NGEF: variants seen among roughly 807,000 people sequenced by gnomAD.
NGEF encodes the protein neuronal guanine nucleotide exchange factor, also known as ephexin-1.
NGEF carries 31 observed loss-of-function variants against 80.9 expected under a neutral mutation model. The ratio of observed to expected loss-of-function variants is 0.38; its 90% confidence interval spans 0.29 to 0.52. The LOEUF (loss-of-function observed/expected upper bound fraction) is 0.52. Among genes scored for constraint, NGEF ranks in the 20% least tolerant of loss-of-function variants. The pLI is 0.84. For synonymous variants in NGEF, 371 were observed against 370.2 expected, an observed-to-expected ratio of 1.00 and a Z score of -0.03; for missense variants, 709 against 926.2, an observed-to-expected ratio of 0.77 and a Z score of 3.04.
chr2:232,885,415 C>T, intron 9 of NGEF, 46 bp from the exon 10 acceptor site: 1 of 1,526,046 alleles, frequency 6.6e-7, no homozygotes, highest in Non-Finnish European at 9.1e-7. Context: ...GCCGGCTGTC[C>T]CGGCCCCTTC....
intron 1 of NGEF, among the ~76,000 whole-genome samples, chr2:232,995,550 C>CTATA (rs373562012): frequency 3.5e-4 from 3 of 8,492 alleles, no homozygotes; most frequent in African/African-American, 2.5e-3. Context: ...AGTATGTATA[C>CTATA]TATATACAGT....
At chr2:232,900,853 G>A (rs564486883) in intron 5 of NGEF, among the ~76,000 whole-genome samples, 9 of 152,314 alleles carry the variant, frequency 5.9e-5, no homozygotes, top group African/African-American at 1.9e-4. Context: ...CACGCTGCCC[G>A]TGGGGCCAGG....
intron 1 of NGEF, among the ~76,000 whole-genome samples, chr2:232,981,598 C>T (rs1255078665): frequency 1.3e-5 from 2 of 152,134 alleles, no homozygotes; most frequent in Admixed American, 6.5e-5. Flanking sequence ...TGCCACCCCA[C>T]CCAGGAACAG....
At chr2:232,927,988 C>T in intron 3 of NGEF, 1 of 1,274,498 alleles carries the variant, frequency 7.8e-7, no homozygotes. Context: ...AGGCAGCGGC[C>T]AGCAGCTCCA....
chr2:232,974,185 AG>A (rs1694246097), intron 2 of NGEF, among the ~76,000 whole-genome samples: 1 of 152,172 alleles, frequency 6.6e-6, no homozygotes, highest in African/African-American at 2.4e-5. Context: ...TCTATTCCCA[AG>A]GTTTTAATCT....
chr2:232,977,996 G>A (rs911500432), intron 1 of NGEF, among the ~76,000 whole-genome samples: 1 of 152,076 alleles, frequency 6.6e-6, no homozygotes, highest in African/African-American at 2.4e-5. Context: ...GCCAGGTTGG[G>A]GTCAGAGCAC....
chr2:232,884,012 C>T lies in NGEF; in HGVS notation c.1570G>A (p.Asp524Asn). ...ATCTGCCGGCAGATCACCAGCAGGT[C>T]GTTGAACAGGAAGAGGTAAATTTCG... ...FHEIYLFLFNDLLVICRQIPG... is the reference protein window; with the variant it reads ...FHEIYLFLFNNLLVICRQIPG... Residue 524 changes from aspartate (D) to asparagine (N), a missense_variant, in exon 11 of 15, where the codon GAC becomes AAC. Around this residue, in one of 2 missense-constraint regions of NGEF, gnomAD observed 426 missense variants for 622.9 expected, o/e 0.68. Transcript: ENST00000264051. 1.2e-6 allele frequency: 2 copies of T among 1,611,860 alleles called. No homozygotes were observed. Among genetic ancestry groups the T allele is most frequent in the Non-Finnish European group, 1.7e-6 (2 of 1,179,228 alleles).
At chr2:232,948,377 A>G (rs139283624) in intron 3 of NGEF, among the ~76,000 whole-genome samples, 122 of 152,170 alleles carry the variant, frequency 8.0e-4, no homozygotes, top group African/African-American at 2.9e-3. Flanking sequence ...TAAATATAGA[A>G]TGATTGTTAA....
intron 3 of NGEF, among the ~76,000 whole-genome samples, chr2:232,937,338 T>A (rs2106293715): frequency 6.6e-6 from 1 of 152,324 alleles, no homozygotes; most frequent in East Asian, 1.9e-4. Context: ...TCTTTGTCCC[T>A]CCCTCCATCT....
chr2:232,951,365 T>C (rs1378216006), intron 3 of NGEF, among the ~76,000 whole-genome samples: 3 of 152,226 alleles, frequency 2.0e-5, no homozygotes, highest in Non-Finnish European at 4.4e-5. Flanking sequence ...ATCCCACTGA[T>C]GCTGCGCACC....
intron 5 of NGEF, 140 bp from the exon 6 acceptor site, chr2:232,895,056 G>A: frequency 1.1e-6 from 1 of 896,150 alleles, no homozygotes; most frequent in Non-Finnish European, 1.7e-6. Flanking sequence ...GCCTGGGATG[G>A]CTGCTGCAGG....
intron 1 of NGEF, among the ~76,000 whole-genome samples, chr2:233,003,019 TA>T (rs1170113165): frequency 2.0e-5 from 3 of 152,156 alleles, no homozygotes; most frequent in African/African-American, 7.2e-5. Context: ...TGTTCAGGTC[TA>T]GGGGGAGGGT....
intron 1 of NGEF, among the ~76,000 whole-genome samples, chr2:232,982,784 G>A (rs1414624906): frequency 1.3e-5 from 2 of 152,228 alleles, no homozygotes; most frequent in African/African-American, 4.8e-5. Context: ...AAAGTGCTGG[G>A]ATTACAGGCT....
At chr2:232,945,089 T>A (rs961977638) in intron 3 of NGEF, among the ~76,000 whole-genome samples, 2 of 152,104 alleles carry the variant, frequency 1.3e-5, no homozygotes, top group Non-Finnish European at 2.9e-5. Context: ...ATGTTTTATA[T>A]GCTCAAATAA....
At chr2:232,974,536 C>A in intron 2 of NGEF, 87 bp downstream of exon 2, 1 of 1,446,016 alleles carries the variant, frequency 6.9e-7, no homozygotes, top group Non-Finnish European at 9.4e-7. Context: ...TGCCACTTAT[C>A]CTTTCTCATT....
Position 232,901,359 on chromosome 2 carries a change from TACC to T in NGEF, c.829-6446_829-6444del, listed in dbSNP as rs1166442403. The T allele has an allele frequency of 1.5e-5, 15 of 985,446 alleles. No individual in the cohort carries two copies. In the East Asian group the frequency reaches 1.7e-3, roughly 112 times the overall value. The allele number at this position is 985,446 out of a possible 1,614,324, so 61.0% of individuals were successfully genotyped here. A position where few individuals can be genotyped will look rare whatever the true frequency, so the allele number is the denominator to read the frequency against. On this transcript the variant is annotated intron_variant, in intron 5 of 14. Transcript: ENST00000264051. ...TGCGCGATTTCTCCTCCCCGCTCTT[TACC>T]TACACGGTCTCCTTATGATCCAGGG...
At chr2:232,942,879 G>A (rs1693468209) in intron 3 of NGEF, among the ~76,000 whole-genome samples, 1 of 146,282 alleles carries the variant, frequency 6.8e-6, no homozygotes, top group Non-Finnish European at 1.5e-5. Flanking sequence ...GGGGGAGTCA[G>A]TTTACCAGCA....
intron 5 of NGEF, among the ~76,000 whole-genome samples, chr2:232,899,721 C>T (rs574353414): frequency 4.6e-5 from 7 of 150,980 alleles, no homozygotes; most frequent in African/African-American, 1.5e-4. Context: ...CTCAGTCACT[C>T]ATATACACGT....
intron 1 of NGEF, among the ~76,000 whole-genome samples, chr2:233,004,472 C>A (rs1020057772): frequency 1.3e-5 from 2 of 152,220 alleles, no homozygotes; most frequent in Non-Finnish European, 2.9e-5. Context: ...TGCCCTTCAG[C>A]CCCCTGGAAT....
Sources: gnomAD v4.1 joint callset for allele counts (sites outside exome capture counted in the v4.1 genomes callset) on GRCh38, gnomAD v4.1.1 for gene constraint, gnomAD v4.1.1 regional missense constraint, MANE v1.5 for transcripts, NCBI Gene and HGNC (gene_info 2026-07-23, HGNC 2026-07-21) for gene names.